The following ADAMTS6 variants were observed in gnomAD, a reference collection of about 807,000 sequenced individuals.
The protein encoded by ADAMTS6 is A disintegrin and metalloproteinase with thrombospondin motifs 6.
Under a neutral mutation model 144.3 loss-of-function variants are expected in ADAMTS6, and 23 were observed. The ratio of observed to expected loss-of-function variants is 0.16; its 90% CI spans 0.11 to 0.23. The LOEUF (loss-of-function observed/expected upper bound fraction) is 0.23. Among genes scored for constraint, ADAMTS6 ranks in the 10% least tolerant of loss-of-function variants. The pLI, the probability that ADAMTS6 is intolerant of heterozygous loss-of-function variation, is 1.00. For synonymous variants in ADAMTS6, 444 were observed against 457.5 expected (o/e 0.97, Z 0.38); for missense variants, 999 against 1,379.6 (o/e 0.72, Z 4.37).
At chr5:65,226,352 T>C (rs1289020195) in intron 15 of ADAMTS6, 133 bp from the exon 16 acceptor site, 2 of 875,528 alleles carry the variant, frequency 2.3e-6, no homozygotes, top group Non-Finnish European at 3.1e-6. Flanking sequence ...TGTAGGTTTC[T>C]TTCCCCCTTT....
At chr5:65,468,940 G>T (rs1458961972) in intron 3 of ADAMTS6, among the ~76,000 whole-genome samples, 1 of 152,022 alleles carries the variant, frequency 6.6e-6, no homozygotes, top group African/African-American at 2.4e-5. Context: ...CCTCACATTT[G>T]CTATATCAAA....
rs147402307 is a variant in ADAMTS6 at position 65,266,364 on chromosome 5, A to T, written c.1621-3402T>A. Among the ~76,000 whole-genome samples, 27 of 152,092 alleles carry T rather than the reference A, an allele frequency of 1.8e-4. No homozygotes were observed. The East Asian group carries it at 5.0e-3, about 28-fold the overall frequency. On this transcript the variant is annotated intron_variant, in intron 12 of 24. Transcript: ENST00000381055. The stretch of plus-strand genomic sequence containing the variant: ...TACTGCATAAATTCATGCTTTGGTT[A>T]TATCTATTCCATGGAGCTATATCAT...
chr5:65,171,828 T>A (rs889952923), intron 23 of ADAMTS6, among the ~76,000 whole-genome samples: 1 of 152,146 alleles, frequency 6.6e-6, no homozygotes, highest in Non-Finnish European at 1.5e-5. Context: ...GCATCTACTC[T>A]GGGATTCAGT....
intron 7 of ADAMTS6, among the ~76,000 whole-genome samples, chr5:65,391,474 A>G (rs1448922017): frequency 6.6e-6 from 1 of 151,842 alleles, no homozygotes; most frequent in Non-Finnish European, 1.5e-5. Flanking sequence ...ACTATTTGAA[A>G]TCATGGCCCT....
intron 7 of ADAMTS6, among the ~76,000 whole-genome samples, chr5:65,389,666 T>C (rs1482617326): frequency 6.6e-6 from 1 of 151,880 alleles, no homozygotes; most frequent in East Asian, 1.9e-4. Flanking sequence ...GTACCCATCC[T>C]TTTTTCCCCC....
At chr5:65,329,053 A>G (rs1746449823) in intron 9 of ADAMTS6, among the ~76,000 whole-genome samples, 1 of 152,140 alleles carries the variant, frequency 6.6e-6, no homozygotes, top group South Asian at 2.1e-4. Context: ...TGATTTTAAA[A>G]TATATATGCA....
intron 7 of ADAMTS6, among the ~76,000 whole-genome samples, chr5:65,375,206 G>A (rs1030265848): frequency 6.6e-6 from 1 of 152,108 alleles, no homozygotes; most frequent in East Asian, 1.9e-4. Context: ...ATGGGCAAAG[G>A]CTTCATGTCT....
chr5:65,334,851 C>T lies in ADAMTS6; in HGVS notation c.1074-766G>A, dbSNP rs182598927. On this transcript the variant is annotated intron_variant, in intron 7 of 24. Coordinates refer to ENST00000381055, the MANE Select transcript of ADAMTS6 (RefSeq NM_197941.4). ...TATAAACATTTATTTTAAGCATTTT[C>T]AGTATATCCTTGTAAACATTTTTAA... 7.9e-5 allele frequency among the ~76,000 whole-genome samples: 12 copies of T among 152,138 alleles called. No individual in the cohort carries two copies. In the East Asian group the frequency reaches 2.3e-3, roughly 29 times the overall value.
At chr5:65,391,899 C>A (rs1470267618) in intron 7 of ADAMTS6, among the ~76,000 whole-genome samples, 3 of 152,026 alleles carry the variant, frequency 2.0e-5, no homozygotes, top group Non-Finnish European at 2.9e-5. Flanking sequence ...CCACACCAAG[C>A]TAATTTTTGT....
At chr5:65,356,035 A>G (rs1490965553) in intron 7 of ADAMTS6, among the ~76,000 whole-genome samples, 2 of 151,864 alleles carry the variant, frequency 1.3e-5, no homozygotes, top group Non-Finnish European at 2.9e-5. Context: ...AATGCTAAGA[A>G]ACAATTCATG....
At chr5:65,274,270 C>T (rs1255787311) in intron 11 of ADAMTS6, among the ~76,000 whole-genome samples, 3 of 151,860 alleles carry the variant, frequency 2.0e-5, no homozygotes, top group Non-Finnish European at 4.4e-5. Context: ...GTTTCAACCG[C>T]CCCCAAAAAG....
chr5:65,245,166 A>G (rs1249001924), intron 14 of ADAMTS6, among the ~76,000 whole-genome samples: 1 of 152,152 alleles, frequency 6.6e-6, no homozygotes, highest in Non-Finnish European at 1.5e-5. Flanking sequence ...GCAGCTACGC[A>G]GGTGTCCTTA....
chr5:65,286,341 G>C (rs1741654880), intron 11 of ADAMTS6, among the ~76,000 whole-genome samples: 1 of 152,026 alleles, frequency 6.6e-6, no homozygotes, highest in African/African-American at 2.4e-5. Context: ...AAAATATGCT[G>C]TTCCATCCAT....
chr5:65,278,704 A>G (rs948394256), intron 11 of ADAMTS6, among the ~76,000 whole-genome samples: 2 of 152,064 alleles, frequency 1.3e-5, no homozygotes, highest in Non-Finnish European at 2.9e-5. Flanking sequence ...TCTGAATCCA[A>G]TTTCTTTCTT....
chr5:65,284,644 C>A (rs897698586), intron 11 of ADAMTS6, among the ~76,000 whole-genome samples: 49 of 152,040 alleles, frequency 3.2e-4, no homozygotes, highest in Non-Finnish European at 7.4e-5. Flanking sequence ...TGGCACTCAA[C>A]CACTTGTAGA....
intron 7 of ADAMTS6, among the ~76,000 whole-genome samples, chr5:65,389,696 T>A (rs182083393): frequency 1.6e-4 from 24 of 152,118 alleles, no homozygotes; most frequent in African/African-American, 4.8e-4. Context: ...TATTATCACA[T>A]AGCTATCTGG....
chr5:65,434,749 C>T (rs1757259230), intron 7 of ADAMTS6, among the ~76,000 whole-genome samples: 1 of 152,138 alleles, frequency 6.6e-6, no homozygotes, highest in Non-Finnish European at 1.5e-5. Flanking sequence ...CATTTCAAAG[C>T]AAGCTGGGAC....
At chr5:65,195,431 A>G (rs1433871109) in intron 21 of ADAMTS6, among the ~76,000 whole-genome samples, 4 of 152,224 alleles carry the variant, frequency 2.6e-5, no homozygotes, top group Non-Finnish European at 4.4e-5. Context: ...AACAAAAACT[A>G]TCACTCTAGA....
chr5:65,178,700 T>C (rs1448543706), intron 22 of ADAMTS6, among the ~76,000 whole-genome samples: 1 of 152,172 alleles, frequency 6.6e-6, no homozygotes, highest in Non-Finnish European at 1.5e-5. Flanking sequence ...AAGAAGCAGA[T>C]AAACTAACCC....
Sources: gnomAD v4.1 joint callset for allele counts (sites outside exome capture counted in the v4.1 genomes callset) on GRCh38, gnomAD v4.1.1 for gene constraint, MANE v1.5 for transcripts, NCBI Gene and HGNC (gene_info 2026-07-23, HGNC 2026-07-21) for gene names.